Variants in CACNA2D2 observed in about 807,000 individuals in gnomAD.
The protein encoded by CACNA2D2 is calcium voltage-gated channel auxiliary subunit alpha2delta 2.
CACNA2D2 carries 48 observed loss-of-function variants against 166.4 expected under a neutral mutation model. That is an observed-to-expected ratio of 0.29 (90% CI 0.23 to 0.37). The LOEUF is 0.37. CACNA2D2 is among the 10% of genes least tolerant of loss of function. The pLI is 1.00. For missense variants in CACNA2D2, 1,122 were observed against 1,433.0 expected, an observed-to-expected ratio of 0.78 and a Z score of 3.50; for synonymous variants, 561 against 573.7, an observed-to-expected ratio of 0.98 and a Z score of 0.32.
intron 3 of CACNA2D2, among the ~76,000 whole-genome samples, chr3:50,429,028 G>A (rs1027221466): frequency 1.5e-4 from 23 of 152,226 alleles, no homozygotes; most frequent in Admixed American, 1.2e-3. Flanking sequence ...CCAGGAGTTC[G>A]AGACCAGCCT....
chr3:50,441,411 G>A (rs867460223), intron 2 of CACNA2D2, among the ~76,000 whole-genome samples: 1 of 152,180 alleles, frequency 6.6e-6, no homozygotes, highest in Admixed American at 6.5e-5. Context: ...GGGAAATTAC[G>A]CTGCCTCGTT....
Position 50,446,820 on chromosome 3 carries a change from G to A in CACNA2D2, c.289-12391C>T, listed in dbSNP as rs1157192717. 3.3e-5 allele frequency among the ~76,000 whole-genome samples: 5 copies of A among 152,166 alleles called. No homozygotes were observed. In the East Asian group the frequency reaches 5.8e-4, roughly 18 times the overall value. ...GGATTGCAGGGGGAGGGAGAGCCAA[G>A]GACAGTTCTGAGCTGGCCCAGAGGG... On this transcript the variant is annotated intron_variant, in intron 2 of 37. Transcript: ENST00000424201.
intron 1 of CACNA2D2, among the ~76,000 whole-genome samples, chr3:50,496,259 G>C (rs116704882): frequency 3.9e-5 from 6 of 152,128 alleles, no homozygotes; most frequent in Non-Finnish European, 8.8e-5. Flanking sequence ...GCACATACAC[G>C]CACACACCTA....
chr3:50,479,174 C>A (rs1032710784), intron 1 of CACNA2D2, among the ~76,000 whole-genome samples: 13 of 152,326 alleles, frequency 8.5e-5, no homozygotes, highest in African/African-American at 2.9e-4. Context: ...TCCCTCCCTC[C>A]TTGTCTCTCT....
intron 2 of CACNA2D2, among the ~76,000 whole-genome samples, chr3:50,454,034 A>G (rs971380417): frequency 1.3e-5 from 2 of 152,160 alleles, no homozygotes; most frequent in Admixed American, 6.5e-5. Flanking sequence ...TGAATGGCCA[A>G]TGAGGCCATC....
intron 1 of CACNA2D2, among the ~76,000 whole-genome samples, chr3:50,486,109 G>C (rs1337928912): frequency 6.6e-6 from 1 of 152,186 alleles, no homozygotes; most frequent in African/African-American, 2.4e-5. Context: ...GGCTCAGCAT[G>C]ATCAGCCCTC....
In CACNA2D2 at chr3:50,424,863, T is replaced by A. The variant is rs190280933; in HGVS notation, c.405+9450A>T. Among the ~76,000 whole-genome samples, 3 of 152,082 alleles carry A rather than the reference T, an allele frequency of 2.0e-5. No homozygotes were observed. The East Asian group carries it at 5.8e-4, about 29-fold the overall frequency. Reference sequence around the variant, plus strand: ...CCTGGAGCCAGTGAAACCTCAGGGGTTAGCTTGGGGAAGACAGCTGAGGGT... The same window carrying A: ...CCTGGAGCCAGTGAAACCTCAGGGGATAGCTTGGGGAAGACAGCTGAGGGT... On this transcript the variant is annotated intron_variant, in intron 3 of 37. Transcript: ENST00000424201.
intron 3 of CACNA2D2, among the ~76,000 whole-genome samples, chr3:50,411,834 G>C (rs733141): frequency 6.6e-6 from 1 of 152,186 alleles, no homozygotes; most frequent in South Asian, 2.1e-4. Context: ...CCCTGGGAAA[G>C]AACGAATGGG....
chr3:50,422,499 G>A (rs567924310), intron 3 of CACNA2D2, among the ~76,000 whole-genome samples: 29 of 152,320 alleles, frequency 1.9e-4, no homozygotes, highest in African/African-American at 6.7e-4. Context: ...GGAGTCAAGT[G>A]ACAGGGATCT....
intron 1 of CACNA2D2, among the ~76,000 whole-genome samples, chr3:50,489,267 C>T (rs1219676706): frequency 6.6e-6 from 1 of 152,210 alleles, no homozygotes; most frequent in Admixed American, 6.5e-5. Flanking sequence ...AGCTCCAGGG[C>T]CTTCTAGATG....
intron 2 of CACNA2D2, among the ~76,000 whole-genome samples, chr3:50,467,728 TTGC>T (rs973655511): frequency 5.9e-5 from 9 of 152,158 alleles, no homozygotes; most frequent in Non-Finnish European, 1.0e-4. Context: ...GAGCCAACCC[TTGC>T]CTCAGTCTCT....
chr3:50,490,917 G>A (rs1333332656), intron 1 of CACNA2D2, among the ~76,000 whole-genome samples: 5 of 152,210 alleles, frequency 3.3e-5, no homozygotes, highest in Non-Finnish European at 7.3e-5. Flanking sequence ...TCAGGGGACA[G>A]TGACTCCAAG....
At chr3:50,468,998 T>C (rs1709953023) in intron 2 of CACNA2D2, among the ~76,000 whole-genome samples, 1 of 151,990 alleles carries the variant, frequency 6.6e-6, no homozygotes, top group African/African-American at 2.4e-5. Context: ...CTAGCTAGTT[T>C]TTCTATTTTT....
intron 2 of CACNA2D2, among the ~76,000 whole-genome samples, chr3:50,459,416 G>C (rs770575491): frequency 6.6e-6 from 1 of 152,074 alleles, no homozygotes; most frequent in African/African-American, 2.4e-5. Flanking sequence ...GCTGGGCCTG[G>C]GGACAGGGTC....
chr3:50,420,101 G>A (rs1707475919), intron 3 of CACNA2D2, among the ~76,000 whole-genome samples: 2 of 152,250 alleles, frequency 1.3e-5, no homozygotes, highest in African/African-American at 4.8e-5. Flanking sequence ...GAAAATCACA[G>A]TGAAGTGAAC....
intron 3 of CACNA2D2, among the ~76,000 whole-genome samples, chr3:50,413,576 G>A (rs1707127599): frequency 6.6e-6 from 1 of 152,172 alleles, no homozygotes; most frequent in Non-Finnish European, 1.5e-5. Flanking sequence ...GCTGAGCATG[G>A]TGGCTCACCC....
intron 3 of CACNA2D2, among the ~76,000 whole-genome samples, chr3:50,423,874 A>G (rs1707685529): frequency 6.6e-6 from 1 of 152,228 alleles, no homozygotes; most frequent in Admixed American, 6.5e-5. Flanking sequence ...AAGGCCCCCA[A>G]AGAGGGGAAG....
chr3:50,487,554 T>C (rs1698341113), intron 1 of CACNA2D2, among the ~76,000 whole-genome samples: 1 of 152,224 alleles, frequency 6.6e-6, no homozygotes, highest in East Asian at 1.9e-4. Flanking sequence ...TGACACGCCA[T>C]GAACCTGTTA....
At chr3:50,410,480 T>TTGGG (rs1181803662) in intron 3 of CACNA2D2, among the ~76,000 whole-genome samples, 5 of 141,372 alleles carry the variant, frequency 3.5e-5, no homozygotes, top group Non-Finnish European at 6.3e-5. Flanking sequence ...CTCCCTGGGA[T>TTGGG]GGGGGGGGGG....
Sources: allele counts gnomAD v4.1 joint callset (sites outside exome capture counted in the v4.1 genomes callset), GRCh38; gene constraint gnomAD v4.1.1; transcripts MANE v1.5; gene names NCBI Gene and HGNC (gene_info 2026-07-23, HGNC 2026-07-21).